RIC8B: variants seen among roughly 807,000 people sequenced by gnomAD.
RIC8B encodes chaperone Ric-8B.
In RIC8B, 16 loss-of-function variants were observed where a neutral mutation model predicts 57.5. That is an observed-to-expected ratio of 0.28 (90% CI 0.19 to 0.42). The LOEUF (loss-of-function observed/expected upper bound fraction) is 0.42, where lower values mean the gene tolerates loss of function less well. RIC8B is among the 10% of genes least tolerant of loss of function. The pLI is 1.00. For missense variants in RIC8B, 481 were observed against 677.0 expected, an observed-to-expected ratio of 0.71 and a Z score of 3.21; for synonymous variants, 216 against 250.8, an observed-to-expected ratio of 0.86 and a Z score of 1.31.
At chr12:106,802,137 AT>A (rs2044760211) in intron 2 of RIC8B, among the ~76,000 whole-genome samples, 1 of 152,110 alleles carries the variant, frequency 6.6e-6, no homozygotes, top group African/African-American at 2.4e-5. Flanking sequence ...TTGACATCTC[AT>A]TTTTTATCTT....
At chr12:106,797,082 G>C (rs187936752) in intron 2 of RIC8B, among the ~76,000 whole-genome samples, 53 of 152,296 alleles carry the variant, frequency 3.5e-4, no homozygotes, top group African/African-American at 1.0e-3. Context: ...GTATGGTGCA[G>C]CACTTTGGAA....
intron 2 of RIC8B, among the ~76,000 whole-genome samples, chr12:106,796,547 G>A (rs1486855228): frequency 6.6e-6 from 1 of 152,094 alleles, no homozygotes; most frequent in East Asian, 1.9e-4. Context: ...AAATTCAACT[G>A]AATCAAAGAC....
intron 4 of RIC8B, 35 bp from the exon 5 acceptor site, chr12:106,842,554 A>G (rs774038205): frequency 6.6e-7 from 1 of 1,513,372 alleles, no homozygotes; most frequent in South Asian, 1.1e-5. Flanking sequence ...TATTCAATCA[A>G]GTTAAAATAT....
chr12:106,815,213 C>T lies in RIC8B; in HGVS notation c.650C>T (p.Pro217Leu). Residue 217 changes from proline to leucine, a missense_variant, in exon 3 of 10, where the codon CCT (proline) becomes CTT (leucine). This residue lies in a region of RIC8B where 421 missense variants were observed against 560.9 expected (regional missense o/e 0.75). Coordinates refer to ENST00000392837, the MANE Select transcript of RIC8B (RefSeq NM_001330145.2). ...GAATCGGCCATAGACCATAATGGAC[C>T]TCCTCTCTCACCTCAGGAGACAGAC... The part of the protein sequence containing the change: ...EYESAIDHNG[P>L]PLSPQETDCA... 6.2e-7 allele frequency: 1 copy of T among 1,614,174 alleles called. No homozygotes were observed. The highest frequency in any genetic ancestry group is 8.5e-7 in the Non-Finnish European group (1 of 1,180,020).
At chr12:106,779,025 T>G (rs989609857) in intron 1 of RIC8B, among the ~76,000 whole-genome samples, 1 of 152,132 alleles carries the variant, frequency 6.6e-6, no homozygotes, top group African/African-American at 2.4e-5. Context: ...ATGATTCTCC[T>G]GCTTCAGCCT....
chr12:106,809,152 A>T (rs1212831566), intron 2 of RIC8B, among the ~76,000 whole-genome samples: 1 of 152,222 alleles, frequency 6.6e-6, no homozygotes, highest in Non-Finnish European at 1.5e-5. Context: ...ATTACATTGG[A>T]ATCAGATGAT....
rs1950019403 is a variant in RIC8B, at chr12:106,863,478, C to G, written c.1451+3066C>G. Among the ~76,000 whole-genome samples the G allele has an allele frequency of 2.0e-5, 3 of 152,110 alleles. No homozygotes were observed. In the South Asian group the frequency reaches 6.2e-4, roughly 32 times the overall value. ...GCAAGATACTTTTTCTTTTATTTGT[C>G]AAGATTTTGCTATGCTGCTTCAGTC... On this transcript the variant is annotated intron_variant, in intron 8 of 9. Coordinates refer to ENST00000392837, the MANE Select transcript of RIC8B (RefSeq NM_001330145.2).
At chr12:106,786,227 G>A (rs1476896592) in intron 2 of RIC8B, among the ~76,000 whole-genome samples, 1 of 138,790 alleles carries the variant, frequency 7.2e-6, no homozygotes, top group African/African-American at 2.8e-5. Flanking sequence ...TCAGCTCACT[G>A]CAAGCTCCGC....
Position 106,879,393 on chromosome 12 carries a change from G to A in RIC8B, c.1572-6511G>A. ...CCAATTTTGCACTGTCATTTTTGGG[G>A]GAAAGAGTCATATAGGAACCAGAAG... is the stretch of plus-strand genomic sequence containing the variant. On this transcript the variant is annotated intron_variant, in intron 9 of 9. Transcript: ENST00000392837. This position sits in a 1 kb window ranked among gnomAD's most constrained non-coding sequence, Gnocchi z 4.9. The A allele has an allele frequency of 2.0e-6, 2 of 985,196 alleles. No homozygotes were observed. The highest frequency in any genetic ancestry group is 2.4e-6 in the Non-Finnish European group (2 of 829,892). 61.0% of individuals were successfully genotyped at this position (985,196 alleles called of 1,614,324 possible). A position where few individuals can be genotyped will look rare whatever the true frequency, so the allele number is the denominator to read the frequency against.
At chr12:106,811,779 A>C (rs2045345585) in intron 2 of RIC8B, among the ~76,000 whole-genome samples, 1 of 152,184 alleles carries the variant, frequency 6.6e-6, no homozygotes, top group South Asian at 2.1e-4. Flanking sequence ...GAAGGTATGA[A>C]AGGTGTTTGA....
At chr12:106,840,981 A>G (rs1392169150) in intron 4 of RIC8B, among the ~76,000 whole-genome samples, 1 of 152,188 alleles carries the variant, frequency 6.6e-6, no homozygotes, top group Admixed American at 6.5e-5. Flanking sequence ...TTTATTCTCA[A>G]TGAATCTATG....
At chr12:106,790,803 A>C (rs1178532852) in intron 2 of RIC8B, among the ~76,000 whole-genome samples, 2 of 152,206 alleles carry the variant, frequency 1.3e-5, no homozygotes, top group Non-Finnish European at 2.9e-5. Context: ...GTTGTCTGAG[A>C]TAAATCTTTG....
At chr12:106,808,084 C>CAA (rs35018524) in intron 2 of RIC8B, among the ~76,000 whole-genome samples, 6 of 108,298 alleles carry the variant, frequency 5.5e-5, no homozygotes, top group Non-Finnish European at 5.9e-5. Flanking sequence ...GACTCTGTCT[C>CAA]AAAAAAAAAA....
At chr12:106,816,906 G>T (rs990520853) in intron 3 of RIC8B, among the ~76,000 whole-genome samples, 7 of 152,192 alleles carry the variant, frequency 4.6e-5, no homozygotes, top group Admixed American at 3.9e-4. Context: ...AAAGATATAT[G>T]AAAAGGATCA....
intron 2 of RIC8B, among the ~76,000 whole-genome samples, chr12:106,800,940 T>G (rs905192245): frequency 1.3e-5 from 2 of 152,210 alleles, no homozygotes; most frequent in African/African-American, 4.8e-5. Flanking sequence ...CCTTGCCTAG[T>G]GTACTGTATA....
rs563420904 is a variant in RIC8B, at chr12:106,875,066, TTAAAG to T, written c.1571+4127_1571+4131del. Among the ~76,000 whole-genome samples the T allele has an allele frequency of 5.3e-5, 8 of 152,290 alleles. No individual in the cohort carries two copies. The South Asian group carries it at 1.2e-3, about 24-fold the overall frequency. On this transcript the variant is annotated intron_variant, in intron 9 of 9. Transcript: ENST00000392837. The stretch of plus-strand genomic sequence containing the variant: ...TAAAATACCTACATGGCTTAAGACT[TTAAAG>T]TACACTCTGTCAGTTCCATTTTTTG...
At chr12:106,811,602 A>G (rs1449756747) in intron 2 of RIC8B, among the ~76,000 whole-genome samples, 1 of 152,184 alleles carries the variant, frequency 6.6e-6, no homozygotes, top group Non-Finnish European at 1.5e-5. Context: ...AGGGCATACC[A>G]TGCTGAAGGA....
rs936369655 is a variant in RIC8B at position 106,815,103 on chromosome 12, A to G, written c.540A>G (p.Ser180=). The G allele has an allele frequency of 1.2e-6, 2 of 1,614,232 alleles. No homozygotes were observed. Among genetic ancestry groups the G allele is most frequent in the Non-Finnish European group, 1.7e-6 (2 of 1,180,034 alleles). ...LLSLLHTDIR[S]QLRYELQGLP... is the part of the protein sequence containing the mutation. Reference sequence around the variant, plus strand: ...CACTTTTGCACACCGACATCAGGTCACAATTGCGCTATGAGCTCCAGGGAC... The same window carrying G: ...CACTTTTGCACACCGACATCAGGTCGCAATTGCGCTATGAGCTCCAGGGAC... The change falls in exon 3 of 10, where the codon TCA becomes TCG. Residue 180 remains serine, a synonymous_variant. Transcript: ENST00000392837.
intron 4 of RIC8B, 126 bp from the exon 5 acceptor site, chr12:106,842,463 C>T: frequency 2.9e-6 from 2 of 690,670 alleles, no homozygotes; most frequent in Non-Finnish European, 4.8e-6. Flanking sequence ...TCCATAATGG[C>T]TCATTTTTGG....
Sources: allele counts gnomAD v4.1 joint callset (sites outside exome capture counted in the v4.1 genomes callset), GRCh38; gene constraint gnomAD v4.1.1; regional missense constraint gnomAD v4.1.1; non-coding constraint Gnocchi (gnomAD v3.1); transcripts MANE v1.5; gene names NCBI Gene and HGNC (gene_info 2026-07-23, HGNC 2026-07-21).